The following CTNNA3 variants were observed in gnomAD, a reference collection of about 807,000 sequenced individuals.
CTNNA3 encodes the protein catenin alpha-3.
A neutral mutation model predicts 95.7 loss-of-function variants in CTNNA3; 76 were observed. The ratio of observed to expected loss-of-function variants is 0.79; its 90% confidence interval spans 0.66 to 0.96. The LOEUF (loss-of-function observed/expected upper bound fraction) is 0.96, where lower values mean the gene tolerates loss of function less well. Among genes scored for constraint, CTNNA3 ranks in the 40% least tolerant of loss-of-function variants. The pLI is 0.00. For synonymous variants in CTNNA3, 431 were observed against 374.4 expected (o/e 1.15, Z -1.74); for missense variants, 1,191 against 1,089.8 (o/e 1.09, Z -1.31).
intron 10 of CTNNA3, among the ~76,000 whole-genome samples, chr10:66,616,224 T>C (rs2053870963): frequency 6.6e-6 from 1 of 152,078 alleles, no homozygotes; most frequent in Non-Finnish European, 1.5e-5. Flanking sequence ...CCCCACAAAA[T>C]ACCTTGGTCA....
At chr10:66,239,217 AT>A (rs35946397) in intron 13 of CTNNA3, among the ~76,000 whole-genome samples, 32,906 of 151,502 alleles carry the variant, frequency 0.22, 3,646 homozygotes, top group Admixed American at 0.27. Context: ...TAGTCAATTG[AT>A]TTTACAAATA....
chr10:66,385,939 T>C (rs565183663), intron 11 of CTNNA3, among the ~76,000 whole-genome samples: 1 of 152,236 alleles, frequency 6.6e-6, no homozygotes, highest in East Asian at 1.9e-4. Flanking sequence ...ATGGGACATA[T>C]CTCACAATAA....
At chr10:66,852,670 T>G (rs1015454309) in intron 7 of CTNNA3, among the ~76,000 whole-genome samples, 3 of 152,186 alleles carry the variant, frequency 2.0e-5, no homozygotes, top group African/African-American at 7.2e-5. Flanking sequence ...TGGCATATTT[T>G]CTAACACATA....
chr10:67,143,023 A>C (rs1860656733), intron 7 of CTNNA3, among the ~76,000 whole-genome samples: 2 of 152,118 alleles, frequency 1.3e-5, no homozygotes, highest in Admixed American at 1.3e-4. Flanking sequence ...TCTTGCCTTG[A>C]TGTTAATGGT....
chr10:66,419,512 C>A (rs193252432), intron 11 of CTNNA3, among the ~76,000 whole-genome samples: 2 of 152,008 alleles, frequency 1.3e-5, no homozygotes, highest in South Asian at 4.1e-4. Context: ...GACACTAATG[C>A]CATTTTTCAC....
intron 5 of CTNNA3, among the ~76,000 whole-genome samples, chr10:67,487,999 T>A (rs1848509517): frequency 6.6e-6 from 1 of 152,216 alleles, no homozygotes; most frequent in African/African-American, 2.4e-5. Context: ...AGCATCCCGC[T>A]CACACTGTCT....
At chr10:66,686,033 A>G (rs1364877149) in intron 9 of CTNNA3, among the ~76,000 whole-genome samples, 2 of 152,194 alleles carry the variant, frequency 1.3e-5, no homozygotes, top group African/African-American at 4.8e-5. Context: ...CTTTATTTCC[A>G]TATGCACAGT....
At chr10:67,531,342 A>AG (rs1284175015) in intron 4 of CTNNA3, among the ~76,000 whole-genome samples, 7 of 152,200 alleles carry the variant, frequency 4.6e-5, no homozygotes, top group Non-Finnish European at 1.0e-4. Flanking sequence ...GCAAAGCCAC[A>AG]GGGGGAGAGC....
chr10:66,092,911 A>G (rs1183778654), intron 14 of CTNNA3, among the ~76,000 whole-genome samples: 2 of 151,916 alleles, frequency 1.3e-5, no homozygotes, highest in Admixed American at 6.6e-5. Context: ...ATTAAGAAAA[A>G]CTATAATAAA....
intron 7 of CTNNA3, among the ~76,000 whole-genome samples, chr10:67,114,008 A>G (rs1859039965): frequency 6.6e-6 from 1 of 151,954 alleles, no homozygotes; most frequent in Admixed American, 6.6e-5. Context: ...ACTGGAGCCC[A>G]GGAGTTTGAG....
At position 67,206,717 on chromosome 10, in the gene CTNNA3, T is replaced by C. The variant is rs371501143; in HGVS notation, c.843+12890A>G. Reference sequence around the variant, plus strand: ...ACTCTAGAATCAGGCTTCTAGAGCCTGCACCTGATTCTAGAATCTAGATTC... The same window carrying C: ...ACTCTAGAATCAGGCTTCTAGAGCCCGCACCTGATTCTAGAATCTAGATTC... On this transcript the variant is annotated intron_variant, in intron 6 of 17. Coordinates refer to ENST00000433211, the MANE Select transcript of CTNNA3 (RefSeq NM_013266.4). Among the ~76,000 whole-genome samples the C allele has an allele frequency of 4.7e-5, 7 of 150,054 alleles. No individual in the cohort carries two copies. In the East Asian group the frequency reaches 1.4e-3, roughly 29 times the overall value.
chr10:66,395,529 A>C (rs2092968832), intron 11 of CTNNA3, among the ~76,000 whole-genome samples: 1 of 152,038 alleles, frequency 6.6e-6, no homozygotes, highest in South Asian at 2.1e-4. Flanking sequence ...AAAAAAATAC[A>C]AGGCAAAAAG....
intron 1 of CTNNA3, among the ~76,000 whole-genome samples, chr10:67,758,068 G>C (rs1841443154): frequency 6.6e-6 from 1 of 152,032 alleles, no homozygotes; most frequent in South Asian, 2.1e-4. Flanking sequence ...AAAAGGCAGA[G>C]GAAGGGCAAA....
At chr10:66,924,980 A>G (rs755876798) in intron 7 of CTNNA3, among the ~76,000 whole-genome samples, 1 of 152,180 alleles carries the variant, frequency 6.6e-6, no homozygotes, top group Admixed American at 6.5e-5. Context: ...TTCTTTAGGA[A>G]CCTCAGACCA....
chr10:66,081,955 A>G lies in CTNNA3; in HGVS notation c.1978-12466T>C, dbSNP rs141019705. Among the ~76,000 whole-genome samples, 1,322 of 152,046 alleles carry G rather than the reference A, an allele frequency of 8.7e-3. 12 individuals are homozygous for G. Among genetic ancestry groups the G allele is most frequent in the Non-Finnish European group, 0.013 (913 of 67,978 alleles). ...AGCATGGTGAAACCCCATCTCTACTAAAAATACAAAAAATTAGCTGGGCAT... is the reference window on the plus strand; with the variant it reads ...AGCATGGTGAAACCCCATCTCTACTGAAAATACAAAAAATTAGCTGGGCAT... On this transcript the variant is annotated intron_variant, in intron 14 of 17. Transcript: ENST00000433211.
intron 6 of CTNNA3, among the ~76,000 whole-genome samples, chr10:67,189,925 A>C (rs996479514): frequency 6.6e-6 from 1 of 152,198 alleles, no homozygotes; most frequent in African/African-American, 2.4e-5. Flanking sequence ...TTTAAAATAC[A>C]AAAGATGTAT....
At chr10:67,337,800 T>A (rs1281419620) in intron 5 of CTNNA3, among the ~76,000 whole-genome samples, 1 of 152,206 alleles carries the variant, frequency 6.6e-6, no homozygotes, top group Non-Finnish European at 1.5e-5. Context: ...CAAATGATCA[T>A]TAGCATTTAG....
chr10:66,379,162 A>G lies in CTNNA3; in HGVS notation c.1722T>C (p.Leu574=), dbSNP rs1273944382. ...TGGCAACTGACTTACCAGTACTTGT[A>G]AGGAAGTTAACATTTCTCATTACAC... ...TEGVMRNVNF[L]TSTVIPEFVT... Residue 574 remains leucine, a synonymous_variant, in exon 12 of 18, where the codon CTT becomes CTC. Coordinates refer to ENST00000433211, the MANE Select transcript of CTNNA3 (RefSeq NM_013266.4). 1 of 1,613,700 alleles carries G rather than the reference A, an allele frequency of 6.2e-7. No homozygotes were observed. Among genetic ancestry groups the G allele is most frequent in the Admixed American group, 1.7e-5 (1 of 60,022 alleles).
Position 67,024,009 on chromosome 10 carries a change from A to G in CTNNA3, c.1047+156308T>C, listed in dbSNP as rs188820020. Among the ~76,000 whole-genome samples the G allele has an allele frequency of 8.5e-5, 13 of 152,334 alleles. 1 individual carries two copies. In the East Asian group the frequency reaches 2.5e-3, roughly 29 times the overall value. On this transcript the variant is annotated intron_variant, in intron 7 of 17. Transcript: ENST00000433211. ...TAATTTCCTCTTGCTGCTATAACAT[A>G]TTACCACAAATTTAGTGGTTTAAAA...
Sources: allele counts gnomAD v4.1 joint callset (sites outside exome capture counted in the v4.1 genomes callset), GRCh38; gene constraint gnomAD v4.1.1; transcripts MANE v1.5; gene names NCBI Gene and HGNC (gene_info 2026-07-23, HGNC 2026-07-21).